Variants in OSTF1 observed in about 807,000 individuals in gnomAD.
The protein encoded by OSTF1 is osteoclast stimulating factor 1.
OSTF1 carries 27 observed loss-of-function variants against 37.2 expected under a neutral mutation model. The observed-to-expected ratio is 0.73, with a 90% CI of 0.54 to 1.00. The LOEUF (loss-of-function observed/expected upper bound fraction) is 1.00. Among genes scored for constraint, OSTF1 ranks in the 50% least tolerant of loss-of-function variants. The probability of loss-of-function intolerance (pLI) is 0.00; values close to 1 mark genes in which losing one functional copy is unlikely to be tolerated. For synonymous variants in OSTF1, 82 were observed against 89.2 expected (o/e 0.92, Z 0.46); for missense variants, 232 against 253.8 (o/e 0.91, Z 0.58).
chr9:75,099,247 G>C (rs914025030), intron 1 of OSTF1, among the ~76,000 whole-genome samples: 2 of 150,334 alleles, frequency 1.3e-5, no homozygotes, highest in African/African-American at 4.9e-5. Context: ...TATATTTAAA[G>C]AAATTCTGAT....
rs1433476660 is a variant in OSTF1 at position 75,093,060 on chromosome 9, C to CTTTTTTT, written c.34+4337_34+4338insTTTTTTT. Among the ~76,000 whole-genome samples, 45 of 134,954 alleles carry CTTTTTTT rather than the reference C, an allele frequency of 3.3e-4. 1 individual carries two copies. The highest frequency in any genetic ancestry group is 1.3e-3 in the African/African-American group (41 of 32,268). 88.5% of individuals were successfully genotyped at this position (134,954 alleles called of 152,430 possible). ...TTTCTTTCTCTCTCTCTCTTTCTTT[C>CTTTTTTT]TTTCTTTTTTTTTTTTTGGAGATGG... is the stretch of plus-strand genomic sequence containing the variant. On this transcript the variant is annotated intron_variant, in intron 1 of 9. Transcript: ENST00000346234.
At chr9:75,108,756 G>T (rs1252074750) in intron 1 of OSTF1, among the ~76,000 whole-genome samples, 1 of 152,088 alleles carries the variant, frequency 6.6e-6, no homozygotes, top group Non-Finnish European at 1.5e-5. Flanking sequence ...AGGGAGGAAG[G>T]ATAGCTTACT....
intron 1 of OSTF1, among the ~76,000 whole-genome samples, chr9:75,109,498 A>G: frequency 6.6e-6 from 1 of 152,192 alleles, no homozygotes; most frequent in East Asian, 1.9e-4. Flanking sequence ...CAAAACTGTA[A>G]TTTCTTCTAT....
intron 1 of OSTF1, 35 bp downstream of exon 1, chr9:75,088,761 G>T: frequency 6.3e-7 from 1 of 1,583,596 alleles, no homozygotes. Context: ...GCCAGGTCCT[G>T]CGACCGCCGC....
At chr9:75,095,949 T>G (rs1423557738) in intron 1 of OSTF1, among the ~76,000 whole-genome samples, 1 of 151,804 alleles carries the variant, frequency 6.6e-6, no homozygotes, top group Non-Finnish European at 1.5e-5. Flanking sequence ...TGGAGTGCAG[T>G]GGCGCGATTT....
chr9:75,131,468 A>C (rs1449902583), intron 4 of OSTF1, among the ~76,000 whole-genome samples: 1 of 152,234 alleles, frequency 6.6e-6, no homozygotes, highest in Non-Finnish European at 1.5e-5. Flanking sequence ...ATACTTGAGT[A>C]ATATCAAGTG....
rs767722029 is a variant in OSTF1, at chr9:75,096,675, A to G, written c.34+7949A>G. 3.3e-5 allele frequency among the ~76,000 whole-genome samples: 5 copies of G among 152,238 alleles called. No individual in the cohort carries two copies. In the South Asian group the frequency reaches 8.3e-4, roughly 25 times the overall value. On this transcript the variant is annotated intron_variant, in intron 1 of 9. Coordinates refer to ENST00000346234, the MANE Select transcript of OSTF1 (RefSeq NM_012383.5). ...ACTGCCATGAGACAAAGAAATGACT[A>G]CAACCTGGAGGTTATCTTGGAATGT...
chr9:75,091,147 G>C (rs931067677), intron 1 of OSTF1, among the ~76,000 whole-genome samples: 2 of 146,018 alleles, frequency 1.4e-5, no homozygotes, highest in African/African-American at 5.1e-5. Flanking sequence ...GTGCAGTGGC[G>C]CGATCTCGGC....
chr9:75,093,789 G>C (rs1404538397), intron 1 of OSTF1, among the ~76,000 whole-genome samples: 1 of 152,188 alleles, frequency 6.6e-6, no homozygotes, highest in Non-Finnish European at 1.5e-5. Context: ...ATATGCACGT[G>C]AATAGTCTTC....
intron 7 of OSTF1, among the ~76,000 whole-genome samples, chr9:75,135,736 TC>T (rs1825831618): frequency 6.6e-6 from 1 of 152,192 alleles, no homozygotes; most frequent in South Asian, 2.1e-4. Context: ...GCTCAGGGTC[TC>T]CCAGGTGGAA....
chr9:75,090,293 AGG>A (rs906941481), intron 1 of OSTF1, among the ~76,000 whole-genome samples: 1 of 105,970 alleles, frequency 9.4e-6, no homozygotes, highest in Non-Finnish European at 2.0e-5. Flanking sequence ...GGACATTGAC[AGG>A]TGTGTGTGTG....
Position 75,088,595 on chromosome 9 carries a change from G to GGCGCACC in OSTF1, c.-98_-97insGCGCACC. On this transcript the variant is annotated 5_prime_UTR_variant, in exon 1 of 10. Coordinates refer to ENST00000346234, the MANE Select transcript of OSTF1 (RefSeq NM_012383.5). Reference sequence around the variant, plus strand: ...GGTCCTAGGAGGCGCACGGTTGTAAGCCAGACAAAAAGAACTGGGGTGCCC... The same window carrying GGCGCACC: ...GGTCCTAGGAGGCGCACGGTTGTAAGGCGCACCCCAGACAAAAAGAACTGGGGTGCCC... The GGCGCACC allele has an allele frequency of 1.5e-6, 2 of 1,329,616 alleles. No homozygotes were observed. The highest frequency in any genetic ancestry group is 2.1e-6 in the Non-Finnish European group (2 of 943,864). 82.4% of individuals were successfully genotyped at this position (1,329,616 alleles called of 1,614,324 possible).
At chr9:75,108,237 A>T (rs182765267) in intron 1 of OSTF1, among the ~76,000 whole-genome samples, 169 of 148,366 alleles carry the variant, frequency 1.1e-3, no homozygotes, top group Middle Eastern at 3.5e-3. Context: ...ATAAATAAAT[A>T]AATAAATTAA....
chr9:75,147,014 T>C lies in OSTF1; in HGVS notation c.*273T>C, dbSNP rs78847465. 2.3e-5 allele frequency: 4 copies of C among 175,066 alleles called. No individual in the cohort carries two copies. Among genetic ancestry groups the C allele is most frequent in the Admixed American group, 1.3e-4 (2 of 14,976 alleles). The allele number at this position is 175,066 out of a possible 1,614,324, so 10.8% of individuals were successfully genotyped here. On this transcript the variant is annotated 3_prime_UTR_variant, in exon 10 of 10. Transcript: ENST00000346234. ...AAAGGAATTTTAAGATTTTTTTTTT[T>C]CTTTAAAAACAAATTAGGATTTTTT... is the stretch of plus-strand genomic sequence containing the variant.
chr9:75,094,574 T>C (rs769072364), intron 1 of OSTF1, among the ~76,000 whole-genome samples: 12 of 151,922 alleles, frequency 7.9e-5, no homozygotes, highest in Non-Finnish European at 1.6e-4. Context: ...TGCAGTGAGA[T>C]TTTCTAATAC....
intron 1 of OSTF1, among the ~76,000 whole-genome samples, chr9:75,114,820 C>T (rs1250005153): frequency 6.6e-6 from 1 of 152,156 alleles, no homozygotes; most frequent in African/African-American, 2.4e-5. Context: ...TCCCAAAGTG[C>T]TGGGATTACA....
rs145931413 is a variant in OSTF1 at position 75,121,804 on chromosome 9, C to T, written c.81+4254C>T. On this transcript the variant is annotated intron_variant, in intron 2 of 9. Coordinates refer to ENST00000346234, the MANE Select transcript of OSTF1 (RefSeq NM_012383.5). Reference sequence around the variant, plus strand: ...ATATCCTAAGCTGACCTGGCCTCCTCGAAATCACTGGGACCAGGCAATATT... The same window carrying T: ...ATATCCTAAGCTGACCTGGCCTCCTTGAAATCACTGGGACCAGGCAATATT... Among the ~76,000 whole-genome samples the T allele has an allele frequency of 2.7e-3, 418 of 152,252 alleles. 4 individuals carry two copies. The highest frequency in any genetic ancestry group is 9.6e-3 in the African/African-American group (397 of 41,542).
At chr9:75,120,817 G>C (rs1207294202) in intron 2 of OSTF1, among the ~76,000 whole-genome samples, 1 of 152,124 alleles carries the variant, frequency 6.6e-6, no homozygotes, top group Non-Finnish European at 1.5e-5. Context: ...TCCTGTTCTT[G>C]AACTATCCCA....
At chr9:75,123,361 C>T (rs1228477080) in intron 2 of OSTF1, among the ~76,000 whole-genome samples, 1 of 152,136 alleles carries the variant, frequency 6.6e-6, no homozygotes, top group Non-Finnish European at 1.5e-5. Flanking sequence ...GGGGCGGAGC[C>T]TGCAGAGAGC....
Sources: gnomAD v4.1 joint callset for allele counts (sites outside exome capture counted in the v4.1 genomes callset) on GRCh38, gnomAD v4.1.1 for gene constraint, MANE v1.5 for transcripts, NCBI Gene and HGNC (gene_info 2026-07-23, HGNC 2026-07-21) for gene names.